SLC17A8: variants seen among roughly 807,000 people sequenced by gnomAD.
SLC17A8 encodes the protein solute carrier family 17 member 8, also known as vesicular glutamate transporter 3.
SLC17A8 carries 31 observed loss-of-function variants against 58.0 expected under a neutral mutation model. The ratio of observed to expected loss-of-function variants is 0.53; its 90% CI spans 0.40 to 0.72. The LOEUF (loss-of-function observed/expected upper bound fraction) is 0.72, where lower values mean the gene tolerates loss of function less well. Ranked by LOEUF, SLC17A8 falls within the 30% of genes least tolerant of loss-of-function variation. The pLI is 0.00. For synonymous variants in SLC17A8, 228 were observed against 249.0 expected, an observed-to-expected ratio of 0.92 and a Z score of 0.79; for missense variants, 655 against 727.8, an observed-to-expected ratio of 0.90 and a Z score of 1.15.
intron 1 of SLC17A8, among the ~76,000 whole-genome samples, chr12:100,374,816 A>G (rs1189397800): frequency 6.6e-6 from 1 of 152,006 alleles, no homozygotes; most frequent in Non-Finnish European, 1.5e-5. Context: ...CTCAGCTGCC[A>G]CTTTGGGCAA....
At chr12:100,373,784 T>C (rs1952575291) in intron 1 of SLC17A8, among the ~76,000 whole-genome samples, 1 of 151,878 alleles carries the variant, frequency 6.6e-6, no homozygotes, top group Non-Finnish European at 1.5e-5. Flanking sequence ...GGGGTTTCAT[T>C]CACCATGTTG....
intron 2 of SLC17A8, among the ~76,000 whole-genome samples, chr12:100,384,946 T>C (rs1170461759): frequency 1.3e-5 from 2 of 152,182 alleles, no homozygotes; most frequent in African/African-American, 4.8e-5. Context: ...TCCTCTTCCC[T>C]GGCTTCTCAC....
chr12:100,357,194 G>C lies in SLC17A8; in HGVS notation c.-198G>C. ...CTCTTTTTTGGAGGGGTGGGGAGCA[G>C]AGAGAGGAGGGAGTTGTCTTATCTT... On this transcript the variant is annotated 5_prime_UTR_variant, in exon 1 of 12. Coordinates refer to ENST00000323346, the MANE Select transcript of SLC17A8 (RefSeq NM_139319.3). The C allele has an allele frequency of 1.8e-6, 1 of 565,916 alleles. No homozygotes were observed. Among genetic ancestry groups the C allele is most frequent in the Non-Finnish European group, 3.2e-6 (1 of 313,396 alleles). The allele number at this position is 565,916 out of a possible 1,614,324, so 35.1% of individuals were successfully genotyped here. A position where few individuals can be genotyped will look rare whatever the true frequency, so the allele number is the denominator to read the frequency against.
At chr12:100,418,244 T>C in intron 11 of SLC17A8, 88 bp downstream of exon 11, 1 of 1,520,848 alleles carries the variant, frequency 6.6e-7, no homozygotes, top group Non-Finnish European at 9.1e-7. Flanking sequence ...TACTGCAGTC[T>C]GTAAATGTGT....
Position 100,412,812 on chromosome 12 carries a change from C to A in SLC17A8, c.1229C>A (p.Ser410Ter). 6.2e-7 allele frequency: 1 copy of A among 1,614,022 alleles called. No homozygotes were observed. The change falls in exon 10 of 12, where the codon TCG becomes TAG. Residue 410 changes from serine to a stop codon, truncating the protein, a stop_gained. Transcript: ENST00000323346. LOFTEE classifies it high-confidence loss of function. Reference sequence around the variant, plus strand: ...ACCTTACTCCTGGTGGTTGGCTTTTCGCATACCAAAGGGGTGGCTATCTCC... The same window carrying A: ...ACCTTACTCCTGGTGGTTGGCTTTTAGCATACCAAAGGGGTGGCTATCTCC... The part of the protein sequence containing the change: ...EATLLLVVGF[S>*]HTKGVAISFL...
chr12:100,406,869 A>G (rs532668430), intron 9 of SLC17A8, among the ~76,000 whole-genome samples: 5 of 152,286 alleles, frequency 3.3e-5, no homozygotes, highest in South Asian at 2.1e-4. Flanking sequence ...GGAATTATGC[A>G]GGGTACAAGA....
At chr12:100,383,171 A>G (rs1472094186) in intron 2 of SLC17A8, among the ~76,000 whole-genome samples, 1 of 152,220 alleles carries the variant, frequency 6.6e-6, no homozygotes, top group Admixed American at 6.5e-5. Flanking sequence ...TCAAAATGAG[A>G]TGCTGTTTTG....
chr12:100,393,246 G>A (rs1430151621), intron 3 of SLC17A8, 123 bp from the exon 4 acceptor site: 2 of 697,384 alleles, frequency 2.9e-6, no homozygotes, highest in East Asian at 3.0e-5. Flanking sequence ...TTACAGGTAC[G>A]ATCTTTCCAC....
At chr12:100,370,072 C>CT (rs1446259413) in intron 1 of SLC17A8, among the ~76,000 whole-genome samples, 1 of 151,868 alleles carries the variant, frequency 6.6e-6, no homozygotes, top group South Asian at 2.1e-4. Flanking sequence ...CTTGTTTCTG[C>CT]TTTTTTGAGC....
intron 1 of SLC17A8, among the ~76,000 whole-genome samples, chr12:100,377,790 G>A (rs1008173017): frequency 3.3e-5 from 5 of 151,916 alleles, no homozygotes; most frequent in African/African-American, 1.2e-4. Context: ...AGTTTGCCAT[G>A]TTGGCCAGGC....
At chr12:100,391,351 C>A (rs1426684586) in intron 3 of SLC17A8, among the ~76,000 whole-genome samples, 1 of 151,974 alleles carries the variant, frequency 6.6e-6, no homozygotes, top group Non-Finnish European at 1.5e-5. Flanking sequence ...GTGGTGTGAT[C>A]TTGGCTCACT....
intron 5 of SLC17A8, among the ~76,000 whole-genome samples, chr12:100,398,888 C>G (rs1054470036): frequency 2.0e-5 from 3 of 152,136 alleles, no homozygotes; most frequent in African/African-American, 7.2e-5. Context: ...AGTTTCTCTG[C>G]ACAAGCTCTC....
chr12:100,362,348 G>A (rs1051962394), intron 1 of SLC17A8, among the ~76,000 whole-genome samples: 1 of 152,046 alleles, frequency 6.6e-6, no homozygotes, highest in Non-Finnish European at 1.5e-5. Context: ...TGGTCCACTC[G>A]GACATCTCCT....
At chr12:100,368,792 A>G (rs1952538901) in intron 1 of SLC17A8, among the ~76,000 whole-genome samples, 1 of 152,214 alleles carries the variant, frequency 6.6e-6, no homozygotes, top group East Asian at 1.9e-4. Flanking sequence ...AAAGGTTAGT[A>G]AGGCCTATAG....
intron 9 of SLC17A8, among the ~76,000 whole-genome samples, chr12:100,410,319 C>A (rs1383601087): frequency 6.6e-6 from 1 of 152,058 alleles, no homozygotes; most frequent in Non-Finnish European, 1.5e-5. Context: ...CACGGTGAAA[C>A]CCCATCTCTA....
intron 9 of SLC17A8, among the ~76,000 whole-genome samples, chr12:100,410,040 G>A (rs952130516): frequency 3.9e-4 from 60 of 152,182 alleles, no homozygotes; most frequent in African/African-American, 1.4e-3. Flanking sequence ...TGCATCAGAG[G>A]AGGACGAGTT....
chr12:100,411,025 T>G (rs1952863851), intron 9 of SLC17A8, among the ~76,000 whole-genome samples: 1 of 152,184 alleles, frequency 6.6e-6, no homozygotes, highest in Non-Finnish European at 1.5e-5. Flanking sequence ...ATTAGTGATT[T>G]TGAAGTGGAA....
chr12:100,377,585 A>ATTTTT (rs35397911), intron 1 of SLC17A8, among the ~76,000 whole-genome samples: 10 of 84,030 alleles, frequency 1.2e-4, no homozygotes, highest in Non-Finnish European at 2.0e-4. Flanking sequence ...ATATATATAT[A>ATTTTT]TTTTTTTTTT....
chr12:100,376,624 C>T (rs1952596394), intron 1 of SLC17A8, among the ~76,000 whole-genome samples: 1 of 152,182 alleles, frequency 6.6e-6, no homozygotes, highest in Non-Finnish European at 1.5e-5. Context: ...TTTCCCATGT[C>T]TCACTGAGCT....
Sources: allele counts gnomAD v4.1 joint callset (sites outside exome capture counted in the v4.1 genomes callset), GRCh38; gene constraint gnomAD v4.1.1; transcripts MANE v1.5; gene names NCBI Gene and HGNC (gene_info 2026-07-23, HGNC 2026-07-21).